Variants in PACS1 observed in about 807,000 individuals in gnomAD.
The protein encoded by PACS1 is phosphofurin acidic cluster sorting protein 1.
In PACS1, 24 loss-of-function variants were observed where a neutral mutation model predicts 115.0. That is an observed-to-expected ratio of 0.21 (90% CI 0.15 to 0.29). PACS1 has a LOEUF of 0.29. Among genes scored for constraint, PACS1 ranks in the 10% least tolerant of loss-of-function variants. The pLI is 1.00. For missense variants in PACS1, 838 were observed against 1,251.2 expected (o/e 0.67, Z 4.98); for synonymous variants, 453 against 504.5 (o/e 0.90, Z 1.37).
chr11:66,194,781 C>A (rs143431161), intron 2 of PACS1, among the ~76,000 whole-genome samples: 1 of 152,142 alleles, frequency 6.6e-6, no homozygotes, highest in Admixed American at 6.5e-5. Flanking sequence ...TTAGCTAGTT[C>A]ACCTACTATG....
At chr11:66,239,010 G>C in intron 20 of PACS1, 132 bp from the exon 21 acceptor site, 1 of 1,446,468 alleles carries the variant, frequency 6.9e-7, no homozygotes. Flanking sequence ...TGGTGGCTGG[G>C]GGAGGTGGAA....
chr11:66,192,309 G>T (rs1018999103), intron 1 of PACS1, among the ~76,000 whole-genome samples: 3 of 152,226 alleles, frequency 2.0e-5, no homozygotes, highest in African/African-American at 4.8e-5. Flanking sequence ...CACTCCAGTG[G>T]CATGATAGGA....
chr11:66,212,462 G>A (rs1358191608), intron 4 of PACS1, among the ~76,000 whole-genome samples: 1 of 149,620 alleles, frequency 6.7e-6, no homozygotes, highest in Non-Finnish European at 1.5e-5. Context: ...TTAGAGACGA[G>A]GTCTTGCTCT....
intron 1 of PACS1, among the ~76,000 whole-genome samples, chr11:66,102,294 A>G (rs1252078976): frequency 6.6e-6 from 1 of 151,838 alleles, no homozygotes; most frequent in Non-Finnish European, 1.5e-5. Flanking sequence ...CTCTGCATCC[A>G]TCGGATTTAC....
chr11:66,177,940 T>C (rs1345764580), intron 1 of PACS1, among the ~76,000 whole-genome samples: 1 of 152,056 alleles, frequency 6.6e-6, no homozygotes, highest in East Asian at 1.9e-4. Flanking sequence ...TAGTCCATAA[T>C]GGATGCTTAA....
intron 1 of PACS1, among the ~76,000 whole-genome samples, chr11:66,097,173 C>T (rs1057285096): frequency 1.3e-5 from 2 of 152,160 alleles, no homozygotes; most frequent in African/African-American, 2.4e-5. Flanking sequence ...TAAATACCCC[C>T]TGGTATTTAT....
chr11:66,126,122 G>A (rs1858566346), intron 1 of PACS1, among the ~76,000 whole-genome samples: 1 of 151,282 alleles, frequency 6.6e-6, no homozygotes, highest in Admixed American at 6.6e-5. Context: ...ATGTGTTAGT[G>A]TTCGACATTA....
Position 66,232,181 on chromosome 11 carries a change from A to C in PACS1, c.1636A>C (p.Lys546Gln). 1.2e-6 allele frequency: 2 copies of C among 1,611,052 alleles called. No individual in the cohort carries two copies. The highest frequency in any genetic ancestry group is 1.7e-6 in the Non-Finnish European group (2 of 1,177,252). The change falls in exon 14 of 24, where the codon AAG becomes CAG. Residue 546 changes from lysine to glutamine, a missense_variant. By Grantham distance (53) the Lys-to-Gln change is moderately conservative. Transcript: ENST00000320580. ...DLGHSTQIPRKVVYDQLNQIL... is the reference protein window; with the variant it reads ...DLGHSTQIPRQVVYDQLNQIL... The stretch of plus-strand genomic sequence containing the variant: ...TCTTTTGTTCCTGCAGATTCCAAGA[A>C]AGGTGGTGTATGACCAGCTCAATCA...
rs1414225169 is a variant in PACS1 at position 66,106,399 on chromosome 11, C to T, written c.356+35557C>T. ...CCAACCTGGCCAACATGGTGAAACC[C>T]CATTTCTACTAAAAATACAAAAATT... On this transcript the variant is annotated intron_variant, in intron 1 of 23. Transcript: ENST00000320580. Among the ~76,000 whole-genome samples the T allele has an allele frequency of 4.6e-5, 7 of 152,192 alleles. No homozygotes were observed. In the East Asian group the frequency reaches 1.4e-3, roughly 29 times the overall value.
At chr11:66,230,146 A>G (rs1590836528) in intron 11 of PACS1, among the ~76,000 whole-genome samples, 1 of 151,230 alleles carries the variant, frequency 6.6e-6, no homozygotes, top group African/African-American at 2.4e-5. Context: ...AAAAAAAAAA[A>G]AAAAAAAGAA....
chr11:66,157,739 A>T (rs1859393034), intron 1 of PACS1, among the ~76,000 whole-genome samples: 1 of 151,986 alleles, frequency 6.6e-6, no homozygotes, highest in Non-Finnish European at 1.5e-5. Flanking sequence ...AAGACATTGA[A>T]AGACCTCAGA....
At chr11:66,221,341 G>T in intron 10 of PACS1, 94 bp downstream of exon 10, 1 of 1,120,462 alleles carries the variant, frequency 8.9e-7, no homozygotes, top group Non-Finnish European at 1.3e-6. Flanking sequence ...GGCTCATGTT[G>T]TGACCTTAGA....
intron 1 of PACS1, among the ~76,000 whole-genome samples, chr11:66,081,505 G>A (rs1466388531): frequency 2.0e-5 from 3 of 152,098 alleles, no homozygotes; most frequent in Non-Finnish European, 4.4e-5. Context: ...GATTTCCTCG[G>A]TGGGACCATC....
chr11:66,228,791 C>T (rs1428662559), intron 11 of PACS1, among the ~76,000 whole-genome samples: 1 of 152,142 alleles, frequency 6.6e-6, no homozygotes, highest in Non-Finnish European at 1.5e-5. Context: ...AACGTTCTGT[C>T]TTGATCTGGT....
chr11:66,169,749 T>C (rs1197330590), intron 1 of PACS1, among the ~76,000 whole-genome samples: 1 of 150,098 alleles, frequency 6.7e-6, no homozygotes, highest in Non-Finnish European at 1.5e-5. Flanking sequence ...TGCTAATATT[T>C]TGTTTTAAAA....
intron 1 of PACS1, among the ~76,000 whole-genome samples, chr11:66,150,082 C>G (rs1230611890): frequency 6.6e-6 from 1 of 152,118 alleles, no homozygotes; most frequent in Non-Finnish European, 1.5e-5. Flanking sequence ...TTCAATTTCT[C>G]CCCCACATCC....
At chr11:66,094,891 TA>T (rs1425516292) in intron 1 of PACS1, among the ~76,000 whole-genome samples, 1 of 151,502 alleles carries the variant, frequency 6.6e-6, no homozygotes. Context: ...GCTGGTTCAA[TA>T]TACACAAATC....
intron 10 of PACS1, among the ~76,000 whole-genome samples, chr11:66,224,090 G>A (rs963203068): frequency 2.0e-5 from 3 of 151,678 alleles, no homozygotes; most frequent in African/African-American, 4.8e-5. Context: ...CCAGCTACTC[G>A]CGTGGCTGAG....
chr11:66,193,655 C>T (rs1854582921), intron 2 of PACS1, 82 bp downstream of exon 2: 1 of 886,214 alleles, frequency 1.1e-6, no homozygotes, highest in South Asian at 1.4e-5. Flanking sequence ...AGAAACACTA[C>T]TGGGACCACC....
Sources: allele counts gnomAD v4.1 joint callset (sites outside exome capture counted in the v4.1 genomes callset), GRCh38; gene constraint gnomAD v4.1.1; transcripts MANE v1.5; gene names NCBI Gene and HGNC (gene_info 2026-07-23, HGNC 2026-07-21).